SCFD2: variants seen among roughly 807,000 people sequenced by gnomAD.
The protein encoded by SCFD2 is sec1 family domain containing 2.
A neutral mutation model predicts 58.9 loss-of-function variants in SCFD2; 54 were observed. The observed-to-expected ratio is 0.92, with a 90% CI of 0.74 to 1.15. The LOEUF is 1.15. Among genes scored for constraint, SCFD2 ranks in the 50% most tolerant of loss-of-function variants. The pLI, the probability that SCFD2 is intolerant of heterozygous loss-of-function variation, is 0.00. For synonymous variants in SCFD2, 321 were observed against 335.9 expected, an observed-to-expected ratio of 0.96 and a Z score of 0.49; for missense variants, 805 against 836.6, an observed-to-expected ratio of 0.96 and a Z score of 0.47.
intron 5 of SCFD2, among the ~76,000 whole-genome samples, chr4:53,119,112 G>A (rs1256471490): frequency 1.3e-5 from 2 of 152,130 alleles, no homozygotes; most frequent in Non-Finnish European, 2.9e-5. Context: ...CAAGTCAGGA[G>A]TTCGAGACCA....
chr4:53,017,300 G>A lies in SCFD2; in HGVS notation c.1562-96430C>T, dbSNP rs560559596. On this transcript the variant is annotated intron_variant, in intron 5 of 8. Transcript: ENST00000401642. Reference sequence around the variant, plus strand: ...CTTCACCCACTAGAAATAAACGTGCGAAACATTCAAATCACATATGAAAAA... The same window carrying A: ...CTTCACCCACTAGAAATAAACGTGCAAAACATTCAAATCACATATGAAAAA... Among the ~76,000 whole-genome samples, 90 of 152,238 alleles carry A rather than the reference G, an allele frequency of 5.9e-4. 1 individual carries two copies. Among genetic ancestry groups the A allele is most frequent in the African/African-American group, 1.6e-3 (67 of 41,552 alleles).
intron 4 of SCFD2, among the ~76,000 whole-genome samples, chr4:53,188,876 C>T (rs1379960980): frequency 6.6e-6 from 1 of 152,054 alleles, no homozygotes; most frequent in East Asian, 1.9e-4. Flanking sequence ...TTTTTTCCTG[C>T]CCAGCATCCA....
chr4:53,287,855 C>A (rs35784764), intron 3 of SCFD2, among the ~76,000 whole-genome samples: 1 of 151,884 alleles, frequency 6.6e-6, no homozygotes, highest in African/African-American at 2.4e-5. Context: ...GAAAATAATT[C>A]ATGATCTGAA....
At chr4:53,233,737 T>C (rs1228067388) in intron 4 of SCFD2, among the ~76,000 whole-genome samples, 1 of 152,182 alleles carries the variant, frequency 6.6e-6, no homozygotes, top group East Asian at 1.9e-4. Context: ...TCTTTCATTA[T>C]TCAAAAATAC....
At chr4:53,151,107 G>T (rs1261685764) in intron 4 of SCFD2, among the ~76,000 whole-genome samples, 3 of 152,182 alleles carry the variant, frequency 2.0e-5, no homozygotes, top group Admixed American at 6.5e-5. Flanking sequence ...AGAAGAGGAA[G>T]TTAGTAGTCT....
At chr4:53,187,588 T>A (rs1461998220) in intron 4 of SCFD2, among the ~76,000 whole-genome samples, 1 of 152,120 alleles carries the variant, frequency 6.6e-6, no homozygotes, top group Non-Finnish European at 1.5e-5. Flanking sequence ...GTAAACTAAA[T>A]ACCTTTACAA....
chr4:53,222,028 G>A (rs1024847437), intron 4 of SCFD2, among the ~76,000 whole-genome samples: 2 of 152,146 alleles, frequency 1.3e-5, no homozygotes, highest in Admixed American at 6.5e-5. Context: ...ACAGGTTCCT[G>A]GCCACATTGT....
At chr4:53,049,551 G>A (rs897713013) in intron 5 of SCFD2, among the ~76,000 whole-genome samples, 2 of 152,120 alleles carry the variant, frequency 1.3e-5, no homozygotes, top group African/African-American at 4.8e-5. Context: ...GGCAGTCTGG[G>A]TTTCTGGTGC....
chr4:52,901,703 A>T (rs1421177980), intron 7 of SCFD2, among the ~76,000 whole-genome samples: 6 of 152,220 alleles, frequency 3.9e-5, no homozygotes, highest in Non-Finnish European at 5.9e-5. Flanking sequence ...ATGACTTGTT[A>T]TGTAGCAATA....
intron 4 of SCFD2, among the ~76,000 whole-genome samples, chr4:53,180,358 C>A (rs183340311): frequency 1.3e-5 from 2 of 152,112 alleles, no homozygotes; most frequent in East Asian, 3.9e-4. Context: ...CACTCAAAAC[C>A]GCTCAGCTAC....
intron 5 of SCFD2, among the ~76,000 whole-genome samples, chr4:53,124,065 T>G (rs1725557739): frequency 6.6e-6 from 1 of 152,190 alleles, no homozygotes; most frequent in African/African-American, 2.4e-5. Flanking sequence ...TATTTGGGGG[T>G]CAGGGCTTTG....
At chr4:52,918,188 T>C (rs1488918309) in intron 6 of SCFD2, among the ~76,000 whole-genome samples, 1 of 152,174 alleles carries the variant, frequency 6.6e-6, no homozygotes, top group Non-Finnish European at 1.5e-5. Flanking sequence ...AATTGGTAGA[T>C]GAGATGAACA....
At chr4:53,323,483 C>A (rs1733085070) in intron 2 of SCFD2, among the ~76,000 whole-genome samples, 1 of 151,610 alleles carries the variant, frequency 6.6e-6, no homozygotes, top group South Asian at 2.1e-4. Context: ...AGTGACCCTC[C>A]CACCTGAGTA....
chr4:53,331,319 A>C (rs1180745814), intron 2 of SCFD2, among the ~76,000 whole-genome samples: 12 of 151,724 alleles, frequency 7.9e-5, no homozygotes, highest in Admixed American at 7.9e-4. Flanking sequence ...CACCACACCT[A>C]TTCCAAAATT....
At chr4:53,310,684 CA>C (rs549055611) in intron 3 of SCFD2, among the ~76,000 whole-genome samples, 98 of 152,204 alleles carry the variant, frequency 6.4e-4, no homozygotes, top group African/African-American at 2.2e-3. Flanking sequence ...TTTATATGTG[CA>C]ATAATAAAAT....
At chr4:53,203,661 C>CA (rs1196791690) in intron 4 of SCFD2, among the ~76,000 whole-genome samples, 8 of 151,924 alleles carry the variant, frequency 5.3e-5, no homozygotes, top group Non-Finnish European at 1.0e-4. Flanking sequence ...AAAGTCAAGT[C>CA]AAAAAAGCCA....
intron 4 of SCFD2, among the ~76,000 whole-genome samples, chr4:53,249,067 G>A (rs1730241734): frequency 1.3e-5 from 2 of 152,136 alleles, no homozygotes; most frequent in Admixed American, 1.3e-4. Flanking sequence ...AAAAAATTTA[G>A]ACGATTGTAT....
chr4:53,291,245 T>A (rs1266141705), intron 3 of SCFD2, among the ~76,000 whole-genome samples: 1 of 152,018 alleles, frequency 6.6e-6, no homozygotes, highest in Non-Finnish European at 1.5e-5. Context: ...AGATTATACA[T>A]CATGAAAAAG....
chr4:53,303,960 G>A (rs1374024245), intron 3 of SCFD2, among the ~76,000 whole-genome samples: 2 of 127,420 alleles, frequency 1.6e-5, no homozygotes, highest in African/African-American at 6.1e-5. Flanking sequence ...TGTCGGGTGG[G>A]GGGAGGGGGG....
Sources: allele counts gnomAD v4.1 joint callset (sites outside exome capture counted in the v4.1 genomes callset), GRCh38; gene constraint gnomAD v4.1.1; transcripts MANE v1.5; gene names NCBI Gene and HGNC (gene_info 2026-07-23, HGNC 2026-07-21).